Variants in SWT1 observed in about 807,000 individuals in gnomAD.
The protein encoded by SWT1 is transcriptional protein SWT1.
Under a neutral mutation model 107.3 loss-of-function variants are expected in SWT1, and 33 were observed. The ratio of observed to expected loss-of-function variants is 0.31; its 90% confidence interval spans 0.23 to 0.41. The LOEUF is 0.41. Ranked by LOEUF, SWT1 falls within the 10% of genes least tolerant of loss-of-function variation. The pLI, the probability that SWT1 is intolerant of heterozygous loss-of-function variation, is 1.00. For missense variants in SWT1, 898 were observed against 1,028.9 expected (o/e 0.87, Z 1.74); for synonymous variants, 345 against 348.3 (o/e 0.99, Z 0.11).
intron 9 of SWT1, among the ~76,000 whole-genome samples, chr1:185,189,105 A>G (rs910653362): frequency 1.3e-5 from 2 of 152,058 alleles, no homozygotes; most frequent in Non-Finnish European, 2.9e-5. Context: ...CGGCCTCCTG[A>G]GTAGCTGGGA....
intron 16 of SWT1, 52 bp from the exon 17 acceptor site, chr1:185,271,271 G>A (rs547037896): frequency 1.0e-6 from 1 of 977,424 alleles, no homozygotes; most frequent in African/African-American, 1.6e-5. Context: ...CAAGGTATTG[G>A]TTTTTTCTGA....
chr1:185,172,695 A>G (rs6698122), intron 4 of SWT1, among the ~76,000 whole-genome samples: 65,727 of 151,864 alleles, frequency 0.43, 15,691 homozygotes, highest in African/African-American at 0.65. Context: ...GAGAGTGTCC[A>G]TTTTACAACC....
At chr1:185,183,534 C>T (rs1192803745) in intron 7 of SWT1, among the ~76,000 whole-genome samples, 7 of 152,154 alleles carry the variant, frequency 4.6e-5, no homozygotes, top group Admixed American at 1.3e-4. Flanking sequence ...TGGCCCGCCT[C>T]GGCCTCTCAA....
In SWT1 at chr1:185,291,166, T is replaced by G. The variant is rs141370230; in HGVS notation, c.*363T>G. 146 of 154,830 alleles carry G rather than the reference T, an allele frequency of 9.4e-4. No homozygotes were observed. The highest frequency in any genetic ancestry group is 3.5e-3 in the African/African-American group (144 of 41,654). 9.6% of individuals were successfully genotyped at this position (154,830 alleles called of 1,614,324 possible). A position where few individuals can be genotyped will look rare whatever the true frequency, so the allele number is the denominator to read the frequency against. ...ACAGTATTAGCATTTCTTTCAACCC[T>G]AAGTATGGGCATGTGACCAGAGACA... On this transcript the variant is annotated 3_prime_UTR_variant, in exon 19 of 19. Transcript: ENST00000367500.
At chr1:185,266,778 G>C (rs557513250) in intron 16 of SWT1, among the ~76,000 whole-genome samples, 1 of 151,738 alleles carries the variant, frequency 6.6e-6, no homozygotes, top group South Asian at 2.1e-4. Flanking sequence ...TGGATAAATA[G>C]AATACTGAGA....
intron 2 of SWT1, among the ~76,000 whole-genome samples, chr1:185,165,963 C>A (rs1054887767): frequency 2.0e-5 from 3 of 152,172 alleles, no homozygotes; most frequent in African/African-American, 7.2e-5. Context: ...GCGAGTCTTC[C>A]CCTCTGACTC....
At chr1:185,167,201 A>G (rs1251307776) in intron 3 of SWT1, among the ~76,000 whole-genome samples, 1 of 152,184 alleles carries the variant, frequency 6.6e-6, no homozygotes, top group Non-Finnish European at 1.5e-5. Context: ...GAGGTAGCCA[A>G]GGCAGATACA....
In SWT1 at chr1:185,159,120, T is replaced by C. The variant is rs148667135; in HGVS notation, c.-9-1713T>C. Among the ~76,000 whole-genome samples the C allele has an allele frequency of 1.7e-3, 257 of 152,352 alleles. 1 individual carries two copies. The highest frequency in any genetic ancestry group is 6.8e-3 in the Middle Eastern group (2 of 294). ...CCAAGACAGAACAAGGCAGACGTCATGATATCTTATATGATTTAGCCACAT... is the reference window on the plus strand; with the variant it reads ...CCAAGACAGAACAAGGCAGACGTCACGATATCTTATATGATTTAGCCACAT... On this transcript the variant is annotated intron_variant, in intron 1 of 18. Transcript: ENST00000367500.
chr1:185,179,847 C>T (rs1250901178), intron 5 of SWT1, among the ~76,000 whole-genome samples: 1 of 152,118 alleles, frequency 6.6e-6, no homozygotes, highest in African/African-American at 2.4e-5. Context: ...CAATTTTGCC[C>T]CTCAGGGGAC....
chr1:185,246,058 G>A (rs1053010710), intron 16 of SWT1, among the ~76,000 whole-genome samples: 8 of 151,812 alleles, frequency 5.3e-5, no homozygotes, highest in Admixed American at 2.0e-4. Flanking sequence ...GTGAGCCACC[G>A]CACCCAGTCT....
At chr1:185,209,523 T>C (rs1658598281) in intron 13 of SWT1, among the ~76,000 whole-genome samples, 1 of 152,198 alleles carries the variant, frequency 6.6e-6, no homozygotes, top group Admixed American at 6.5e-5. Context: ...TGGTTTCCAC[T>C]TTCATCCATG....
intron 5 of SWT1, among the ~76,000 whole-genome samples, chr1:185,177,377 A>G (rs930626029): frequency 1.3e-5 from 2 of 152,218 alleles, no homozygotes; most frequent in African/African-American, 4.8e-5. Context: ...GAATTACTAC[A>G]CAAACCAAAA....
At chr1:185,158,902 A>G (rs1653892319) in intron 1 of SWT1, among the ~76,000 whole-genome samples, 1 of 152,194 alleles carries the variant, frequency 6.6e-6, no homozygotes, top group African/African-American at 2.4e-5. Context: ...CAGTGAAGAT[A>G]TGTGCCAGGG....
chr1:185,274,991 A>G (rs1371024207), intron 17 of SWT1, among the ~76,000 whole-genome samples: 1 of 152,196 alleles, frequency 6.6e-6, no homozygotes, highest in Non-Finnish European at 1.5e-5. Flanking sequence ...TGTCACCTTT[A>G]TACTTCCAGC....
At chr1:185,243,118 G>A (rs1384213315) in intron 16 of SWT1, among the ~76,000 whole-genome samples, 1 of 152,206 alleles carries the variant, frequency 6.6e-6, no homozygotes, top group East Asian at 1.9e-4. Context: ...TTGGGTTTTT[G>A]TTTGTTTTGA....
rs537267518 is a variant in SWT1 at position 185,171,540 on chromosome 1, A to G, written c.225-2832A>G. ...GCTCCTTTTGATCACAACCCCTCCA[A>G]TGACATTCCTAGCTTTTCTGCTCAC... On this transcript the variant is annotated intron_variant, in intron 4 of 18. Coordinates refer to ENST00000367500, the MANE Select transcript of SWT1 (RefSeq NM_017673.7). The G allele has an allele frequency of 1.5e-4, 58 of 399,862 alleles. No homozygotes were observed. The East Asian group carries it at 1.8e-3, about 12-fold the overall frequency. The allele number at this position is 399,862 out of a possible 1,614,324, so 24.8% of individuals were successfully genotyped here. A position where few individuals can be genotyped will look rare whatever the true frequency, so the allele number is the denominator to read the frequency against.
At chr1:185,230,070 T>A (rs1660398716) in intron 15 of SWT1, among the ~76,000 whole-genome samples, 1 of 152,230 alleles carries the variant, frequency 6.6e-6, no homozygotes, top group Admixed American at 6.5e-5. Flanking sequence ...TTCAGAATGT[T>A]CAAAGTGGTG....
chr1:185,160,688 C>T (rs1486358387), intron 1 of SWT1, 145 bp from the exon 2 acceptor site: 6 of 566,550 alleles, frequency 1.1e-5, no homozygotes, highest in Admixed American at 3.3e-5. Context: ...AGCGATGGAG[C>T]GAGACTCCAT....
At chr1:185,276,818 A>G (rs1027345295) in intron 18 of SWT1, 150 bp downstream of exon 18, 14 of 382,156 alleles carry the variant, frequency 3.7e-5, no homozygotes, top group South Asian at 1.5e-4. Context: ...AATATTTCCT[A>G]TATACAAAAA....
Sources: allele counts gnomAD v4.1 joint callset (sites outside exome capture counted in the v4.1 genomes callset), GRCh38; gene constraint gnomAD v4.1.1; transcripts MANE v1.5; gene names NCBI Gene and HGNC (gene_info 2026-07-23, HGNC 2026-07-21).